Variants in GAS2 observed in about 807,000 individuals in gnomAD.
GAS2 encodes growth arrest-specific protein 2.
A neutral mutation model predicts 37.5 loss-of-function variants in GAS2; 20 were observed. The observed-to-expected ratio is 0.53, with a 90% CI of 0.37 to 0.77. The LOEUF is 0.77. Ranked by LOEUF, GAS2 falls within the 30% of genes least tolerant of loss-of-function variation. GAS2 has a pLI of 0.00. For missense variants in GAS2, 336 were observed against 373.4 expected, an observed-to-expected ratio of 0.90 and a Z score of 0.82; for synonymous variants, 144 against 132.2, an observed-to-expected ratio of 1.09 and a Z score of -0.61.
intron 4 of GAS2, among the ~76,000 whole-genome samples, chr11:22,729,144 C>T (rs76459568): frequency 0.021 from 3,109 of 151,408 alleles, 116 homozygotes; most frequent in African/African-American, 0.071. Context: ...CTCTGATGAA[C>T]GGGAAAAATG....
chr11:22,783,517 AG>A (rs750983902), intron 7 of GAS2, among the ~76,000 whole-genome samples: 4 of 152,118 alleles, frequency 2.6e-5, no homozygotes, highest in Non-Finnish European at 5.9e-5. Context: ...TTCTTTGCAA[AG>A]GCTCCTTATG....
chr11:22,657,029 A>G (rs1205276213), intron 1 of GAS2, among the ~76,000 whole-genome samples: 1 of 152,222 alleles, frequency 6.6e-6, no homozygotes, highest in Non-Finnish European at 1.5e-5. Flanking sequence ...AAAAAGAGAA[A>G]GACAGTGAAG....
chr11:22,655,129 T>C (rs896578844), intron 1 of GAS2, among the ~76,000 whole-genome samples: 12 of 152,146 alleles, frequency 7.9e-5, no homozygotes, highest in African/African-American at 2.9e-4. Context: ...GTCTGTCCTT[T>C]TCTGAAGACT....
chr11:22,794,077 A>G (rs1168458522), intron 7 of GAS2, among the ~76,000 whole-genome samples: 1 of 151,310 alleles, frequency 6.6e-6, no homozygotes, highest in East Asian at 2.0e-4. Flanking sequence ...CTAGTCTACA[A>G]AACAAGAATA....
At chr11:22,787,577 A>G (rs1346691738) in intron 7 of GAS2, among the ~76,000 whole-genome samples, 1 of 152,162 alleles carries the variant, frequency 6.6e-6, no homozygotes, top group African/African-American at 2.4e-5. Flanking sequence ...TTATTCCGAA[A>G]AAAAAAGAAA....
chr11:22,746,143 C>T (rs553300795), intron 5 of GAS2, among the ~76,000 whole-genome samples: 1 of 152,262 alleles, frequency 6.6e-6, no homozygotes, highest in East Asian at 1.9e-4. Context: ...GATCACACCA[C>T]TGCACATCAG....
intron 3 of GAS2, among the ~76,000 whole-genome samples, chr11:22,694,039 G>A (rs1405315434): frequency 6.6e-6 from 1 of 152,074 alleles, no homozygotes. Flanking sequence ...GGAGGGAGAG[G>A]ATCAGGAAAA....
At chr11:22,731,273 A>G in intron 4 of GAS2, 1 of 404,646 alleles carries the variant, frequency 2.5e-6, no homozygotes, top group Non-Finnish European at 4.9e-6. Context: ...TTAAAAATAC[A>G]CACTTTTTTT....
intron 3 of GAS2, among the ~76,000 whole-genome samples, chr11:22,709,394 A>G (rs1310243868): frequency 1.3e-5 from 2 of 152,098 alleles, no homozygotes; most frequent in Non-Finnish European, 2.9e-5. Context: ...GTAGACATGT[A>G]TTTGAAAAAA....
intron 7 of GAS2, among the ~76,000 whole-genome samples, chr11:22,756,486 T>C (rs932183561): frequency 3.3e-5 from 5 of 152,106 alleles, no homozygotes; most frequent in Admixed American, 1.3e-4. Flanking sequence ...TTTTGTAGAA[T>C]AGAATGATTT....
chr11:22,675,225 A>G (rs1050615212), intron 2 of GAS2, among the ~76,000 whole-genome samples: 28 of 152,206 alleles, frequency 1.8e-4, no homozygotes, highest in African/African-American at 6.8e-4. Context: ...TAATTCCAAT[A>G]TGATGCACTC....
chr11:22,681,446 A>G (rs1303363925), intron 2 of GAS2, among the ~76,000 whole-genome samples: 1 of 152,248 alleles, frequency 6.6e-6, no homozygotes, highest in Non-Finnish European at 1.5e-5. Context: ...TATCGCAATT[A>G]TAAATTTAGG....
intron 5 of GAS2, among the ~76,000 whole-genome samples, chr11:22,741,031 A>G (rs1180141748): frequency 6.6e-6 from 1 of 152,166 alleles, no homozygotes; most frequent in Non-Finnish European, 1.5e-5. Context: ...GATTACATAA[A>G]CATAATTTTA....
chr11:22,701,424 G>A (rs1850834913), intron 3 of GAS2, among the ~76,000 whole-genome samples: 1 of 152,100 alleles, frequency 6.6e-6, no homozygotes. Context: ...GTGATTTAAA[G>A]GGTGTGATTT....
At chr11:22,733,287 C>T (rs1852573919) in intron 4 of GAS2, among the ~76,000 whole-genome samples, 1 of 151,590 alleles carries the variant, frequency 6.6e-6, no homozygotes, top group African/African-American at 2.4e-5. Flanking sequence ...ATATTAGAAC[C>T]AATTCTCTAC....
At chr11:22,696,197 G>T (rs1447847068) in intron 3 of GAS2, among the ~76,000 whole-genome samples, 3 of 150,342 alleles carry the variant, frequency 2.0e-5, no homozygotes, top group Non-Finnish European at 4.4e-5. Context: ...GCGGTGTTTG[G>T]TTTTTTGTCC....
chr11:22,737,490 G>A lies in GAS2; in HGVS notation c.410-215G>A, dbSNP rs1294349186. On this transcript the variant is annotated intron_variant, in intron 4 of 7. Transcript: ENST00000454584. Reference sequence around the variant, plus strand: ...GGGGTGAGAGTTCCTGAGACGAATAGCTTTCAAGAGGAAGCATAGGCAGAG... The same window carrying A: ...GGGGTGAGAGTTCCTGAGACGAATAACTTTCAAGAGGAAGCATAGGCAGAG... Among the ~76,000 whole-genome samples the A allele has an allele frequency of 2.0e-5, 3 of 152,244 alleles. No homozygotes were observed. In the East Asian group the frequency reaches 5.8e-4, roughly 29 times the overall value.
At chr11:22,657,635 A>T (rs949272487) in intron 1 of GAS2, among the ~76,000 whole-genome samples, 1 of 152,158 alleles carries the variant, frequency 6.6e-6, no homozygotes, top group Admixed American at 6.5e-5. Context: ...CAGAGAAAGT[A>T]ATAGGGAAGA....
chr11:22,676,717 T>A (rs985298847), intron 2 of GAS2, among the ~76,000 whole-genome samples: 1 of 152,182 alleles, frequency 6.6e-6, no homozygotes, highest in African/African-American at 2.4e-5. Context: ...ATTTTGTGCA[T>A]AAATTTATTC....
Sources: gnomAD v4.1 joint callset for allele counts (sites outside exome capture counted in the v4.1 genomes callset) on GRCh38, gnomAD v4.1.1 for gene constraint, MANE v1.5 for transcripts, NCBI Gene and HGNC (gene_info 2026-07-23, HGNC 2026-07-21) for gene names.